GLIS1: variants seen among roughly 807,000 people sequenced by gnomAD.
GLIS1 encodes the protein zinc finger protein GLIS1.
In GLIS1, 24 loss-of-function variants were observed where a neutral mutation model predicts 63.8. The observed-to-expected ratio is 0.38, with a 90% CI of 0.27 to 0.53. GLIS1 has a LOEUF of 0.53. Among genes scored for constraint, GLIS1 ranks in the 20% least tolerant of loss-of-function variants. GLIS1 has a pLI of 0.85. For synonymous variants in GLIS1, 450 were observed against 482.5 expected (o/e 0.93, Z 0.88); for missense variants, 1,036 against 1,074.1 (o/e 0.96, Z 0.50).
intron 10 of GLIS1, among the ~76,000 whole-genome samples, chr1:53,508,193 C>T (rs374123191): frequency 2.6e-5 from 4 of 152,208 alleles, no homozygotes; most frequent in African/African-American, 9.6e-5. Context: ...GCCCTGCCAG[C>T]TCCTGACACT....
intron 4 of GLIS1, among the ~76,000 whole-genome samples, chr1:53,592,118 T>C (rs1042624910): frequency 6.6e-6 from 1 of 152,146 alleles, no homozygotes; most frequent in African/African-American, 2.4e-5. Context: ...CTGTGAAGTC[T>C]GTGGAATCAA....
At position 53,568,536 on chromosome 1, in the gene GLIS1, G is replaced by C. The variant is rs183969680; in HGVS notation, c.1320+25572C>G. 3.0e-3 allele frequency among the ~76,000 whole-genome samples: 454 copies of C among 152,218 alleles called. 2 individuals carry two copies. Among genetic ancestry groups the C allele is most frequent in the African/African-American group, 0.011 (439 of 41,538 alleles). Reference sequence around the variant, plus strand: ...AAGGACATGAGATTTGGGAGGTGCAGGGGTGGAATGATATGGTTTGGCTCT... The same window carrying C: ...AAGGACATGAGATTTGGGAGGTGCACGGGTGGAATGATATGGTTTGGCTCT... On this transcript the variant is annotated intron_variant, in intron 4 of 10. Coordinates refer to ENST00000628545, the MANE Select transcript of GLIS1 (RefSeq NM_001367484.1).
intron 2 of GLIS1, among the ~76,000 whole-genome samples, chr1:53,648,131 G>A (rs548310443): frequency 2.0e-5 from 3 of 152,014 alleles, no homozygotes; most frequent in African/African-American, 4.8e-5. Context: ...CCGTGATTGC[G>A]CCACTGCATT....
chr1:53,657,365 T>C (rs953172014), intron 2 of GLIS1, among the ~76,000 whole-genome samples: 4 of 152,002 alleles, frequency 2.6e-5, no homozygotes, highest in African/African-American at 9.7e-5. Flanking sequence ...CCAAGGGAGA[T>C]GGGTAAGAGG....
In GLIS1 at chr1:53,639,219, C is replaced by G. The variant is rs1645759391; in HGVS notation, c.260-38941G>C. Reference sequence around the variant, plus strand: ...CAGCCGATGCAGAGTACCCACATGACACTGGCCACACTCTCCAGCATTACA... The same window carrying G: ...CAGCCGATGCAGAGTACCCACATGAGACTGGCCACACTCTCCAGCATTACA... On this transcript the variant is annotated intron_variant, in intron 2 of 10. Coordinates refer to ENST00000628545, the MANE Select transcript of GLIS1 (RefSeq NM_001367484.1). This position sits in a 1 kb window ranked among gnomAD's most constrained non-coding sequence, Gnocchi z 4.6. Among the ~76,000 whole-genome samples the G allele has an allele frequency of 6.6e-6, 1 of 152,162 alleles. No homozygotes were observed.
At chr1:53,700,392 T>C (rs907340957) in intron 2 of GLIS1, among the ~76,000 whole-genome samples, 2 of 152,186 alleles carry the variant, frequency 1.3e-5, no homozygotes, top group African/African-American at 4.8e-5. Context: ...TCCAAAGCTC[T>C]GGGTTTCTTC....
In GLIS1 at chr1:53,639,872, G is replaced by T. The variant is rs569126305; in HGVS notation, c.260-39594C>A. On this transcript the variant is annotated intron_variant, in intron 2 of 10. Coordinates refer to ENST00000628545, the MANE Select transcript of GLIS1 (RefSeq NM_001367484.1). The surrounding 1 kb of genome is among the most constrained non-coding windows in gnomAD (Gnocchi z 4.6). ...AGGCAAATGTGGATGTTGTTTAAAA[G>T]CTGTGGCTTTGCTGCTAATAGTCCT... 4.6e-5 allele frequency among the ~76,000 whole-genome samples: 7 copies of T among 152,294 alleles called. No individual in the cohort carries two copies. The highest frequency in any genetic ancestry group is 1.4e-4 in the African/African-American group (6 of 41,548).
chr1:53,613,465 C>T (rs1645447115), intron 2 of GLIS1, among the ~76,000 whole-genome samples: 1 of 152,020 alleles, frequency 6.6e-6, no homozygotes, highest in Non-Finnish European at 1.5e-5. Context: ...AGGAGATAGC[C>T]TATATATCCA....
intron 4 of GLIS1, among the ~76,000 whole-genome samples, chr1:53,585,060 C>G (rs370545758): frequency 2.0e-4 from 31 of 152,254 alleles, no homozygotes; most frequent in African/African-American, 7.5e-4. Context: ...AGTTTAAATT[C>G]AATTCAAATA....
chr1:53,629,658 G>T (rs1455323385), intron 2 of GLIS1, among the ~76,000 whole-genome samples: 1 of 152,232 alleles, frequency 6.6e-6, no homozygotes, highest in African/African-American at 2.4e-5. Flanking sequence ...CTGGACAGTT[G>T]CAGTGGCTGC....
intron 4 of GLIS1, among the ~76,000 whole-genome samples, chr1:53,553,512 G>A (rs1644784080): frequency 6.6e-6 from 1 of 152,218 alleles, no homozygotes; most frequent in Non-Finnish European, 1.5e-5. Context: ...ATGTGGTCTT[G>A]GTGCTTGCAC....
At chr1:53,507,206 A>G (rs890637112) in intron 10 of GLIS1, among the ~76,000 whole-genome samples, 9 of 152,136 alleles carry the variant, frequency 5.9e-5, no homozygotes, top group African/African-American at 2.2e-4. Flanking sequence ...AAACTCAAAG[A>G]AGGCCACCAG....
chr1:53,732,078 CCAGGAAATGCGTTATT>C (rs1646867177), intron 2 of GLIS1, among the ~76,000 whole-genome samples: 1 of 152,242 alleles, frequency 6.6e-6, no homozygotes, highest in Non-Finnish European at 1.5e-5. Flanking sequence ...TTCAGGCCAT[CCAGGAAATGCGTTATT>C]CAGTTAACAG....
At chr1:53,680,828 C>G (rs545301799) in intron 2 of GLIS1, among the ~76,000 whole-genome samples, 2 of 152,196 alleles carry the variant, frequency 1.3e-5, no homozygotes, top group South Asian at 4.1e-4. Context: ...GATCTAATCC[C>G]ACAGCTGTCT....
At chr1:53,697,991 T>G (rs1050027797) in intron 2 of GLIS1, among the ~76,000 whole-genome samples, 9 of 152,144 alleles carry the variant, frequency 5.9e-5, no homozygotes, top group African/African-American at 2.2e-4. Context: ...GCCCTCACGT[T>G]TGAAAACCTC....
chr1:53,738,315 G>A (rs1646933170), intron 1 of GLIS1, among the ~76,000 whole-genome samples: 2 of 152,176 alleles, frequency 1.3e-5, no homozygotes, highest in Admixed American at 6.5e-5. Context: ...CCCTTCCCTG[G>A]TGTGGGGAGG....
At chr1:53,581,080 G>A (rs1338304794) in intron 4 of GLIS1, among the ~76,000 whole-genome samples, 2 of 152,216 alleles carry the variant, frequency 1.3e-5, no homozygotes, top group Non-Finnish European at 2.9e-5. Context: ...TCCAGTCGCA[G>A]CAGATGGTTT....
chr1:53,508,251 CG>C (rs1188738369), intron 10 of GLIS1, among the ~76,000 whole-genome samples: 1 of 152,236 alleles, frequency 6.6e-6, no homozygotes. Flanking sequence ...CCCGCAAGCA[CG>C]GGCACACGCA....
chr1:53,524,431 C>A (rs192127402), intron 6 of GLIS1, among the ~76,000 whole-genome samples: 86 of 152,366 alleles, frequency 5.6e-4, no homozygotes, highest in Middle Eastern at 3.4e-3. Context: ...AAAGCGGGGA[C>A]GTGCTTTTTC....
Sources: gnomAD v4.1 joint callset for allele counts (sites outside exome capture counted in the v4.1 genomes callset) on GRCh38, gnomAD v4.1.1 for gene constraint, Gnocchi (gnomAD v3.1) non-coding constraint, MANE v1.5 for transcripts, NCBI Gene and HGNC (gene_info 2026-07-23, HGNC 2026-07-21) for gene names.